ARHGAP31: variants seen among roughly 807,000 people sequenced by gnomAD.
ARHGAP31 encodes Rho GTPase activating protein 31.
Under a neutral mutation model 113.9 loss-of-function variants are expected in ARHGAP31, and 34 were observed. The ratio of observed to expected loss-of-function variants is 0.30; its 90% CI spans 0.23 to 0.40. ARHGAP31 has a LOEUF of 0.40. Among genes scored for constraint, ARHGAP31 ranks in the 10% least tolerant of loss-of-function variants. The probability of loss-of-function intolerance (pLI) is 1.00; values close to 1 mark genes in which losing one functional copy is unlikely to be tolerated. For synonymous variants in ARHGAP31, 650 were observed against 684.8 expected, an observed-to-expected ratio of 0.95 and a Z score of 0.79; for missense variants, 1,548 against 1,767.1, an observed-to-expected ratio of 0.88 and a Z score of 2.22.
chr3:119,323,154 T>C (rs2079808384), intron 1 of ARHGAP31, among the ~76,000 whole-genome samples: 1 of 152,098 alleles, frequency 6.6e-6, no homozygotes, highest in Non-Finnish European at 1.5e-5. Flanking sequence ...CGCTGGGGAC[T>C]CACACGCTGC....
intron 3 of ARHGAP31, among the ~76,000 whole-genome samples, chr3:119,373,535 C>A (rs563680648): frequency 1.4e-4 from 22 of 152,074 alleles, no homozygotes; most frequent in Non-Finnish European, 2.9e-4. Flanking sequence ...GCGATCACGG[C>A]TCACTGCAGC....
At chr3:119,410,481 C>T (rs891258591) in intron 11 of ARHGAP31, among the ~76,000 whole-genome samples, 1 of 152,142 alleles carries the variant, frequency 6.6e-6, no homozygotes, top group Non-Finnish European at 1.5e-5. Context: ...AGGACGTGCA[C>T]AAAAGAACCA....
At chr3:119,364,769 T>C (rs1242379784) in intron 1 of ARHGAP31, among the ~76,000 whole-genome samples, 2 of 152,112 alleles carry the variant, frequency 1.3e-5, no homozygotes, top group Non-Finnish European at 2.9e-5. Context: ...AAAATCTAAG[T>C]TTTTGAATAT....
intron 10 of ARHGAP31, among the ~76,000 whole-genome samples, chr3:119,402,678 G>A (rs2080623166): frequency 6.6e-6 from 1 of 152,042 alleles, no homozygotes; most frequent in East Asian, 1.9e-4. Context: ...TACATATGAA[G>A]CTCTCAGAAC....
intron 1 of ARHGAP31, among the ~76,000 whole-genome samples, chr3:119,327,140 A>G (rs1480421846): frequency 6.6e-6 from 1 of 152,054 alleles, no homozygotes; most frequent in Non-Finnish European, 1.5e-5. Flanking sequence ...ACCTTGTCTC[A>G]AAAACAGAAG....
intron 1 of ARHGAP31, among the ~76,000 whole-genome samples, chr3:119,299,658 GA>G (rs1169830752): frequency 5.3e-5 from 8 of 151,792 alleles, no homozygotes; most frequent in Non-Finnish European, 7.4e-5. Flanking sequence ...AGATACTGTG[GA>G]AAAAAAAGAT....
At chr3:119,406,864 T>C (rs186067436) in intron 10 of ARHGAP31, among the ~76,000 whole-genome samples, 1 of 152,316 alleles carries the variant, frequency 6.6e-6, no homozygotes, top group Admixed American at 6.5e-5. Context: ...TTCTTAGGGT[T>C]ACCAGGGATT....
chr3:119,400,328 C>T (rs936395581), intron 9 of ARHGAP31, among the ~76,000 whole-genome samples: 1 of 152,002 alleles, frequency 6.6e-6, no homozygotes. Context: ...TCCAGCTACT[C>T]AGGAAGCCGA....
At chr3:119,303,006 C>G (rs2079598328) in intron 1 of ARHGAP31, among the ~76,000 whole-genome samples, 1 of 152,220 alleles carries the variant, frequency 6.6e-6, no homozygotes, top group Admixed American at 6.5e-5. Flanking sequence ...CCCACTGCAG[C>G]CACATCTTCT....
intron 10 of ARHGAP31, among the ~76,000 whole-genome samples, chr3:119,406,725 G>T (rs2080666498): frequency 6.6e-6 from 1 of 152,230 alleles, no homozygotes; most frequent in Non-Finnish European, 1.5e-5. Context: ...GCCTTTGCGT[G>T]GGACAGCCCA....
At chr3:119,346,340 GAA>G (rs2080056607) in intron 1 of ARHGAP31, among the ~76,000 whole-genome samples, 1 of 152,212 alleles carries the variant, frequency 6.6e-6, no homozygotes, top group African/African-American at 2.4e-5. Context: ...CGCTATTTAA[GAA>G]GAGAAAGCAA....
At chr3:119,356,788 T>C (rs769017948) in intron 1 of ARHGAP31, among the ~76,000 whole-genome samples, 7 of 152,202 alleles carry the variant, frequency 4.6e-5, no homozygotes, top group Non-Finnish European at 1.0e-4. Context: ...GAATCTTCCA[T>C]TATTTATGTT....
chr3:119,300,254 G>A (rs1231334080), intron 1 of ARHGAP31, among the ~76,000 whole-genome samples: 1 of 152,186 alleles, frequency 6.6e-6, no homozygotes, highest in East Asian at 1.9e-4. Flanking sequence ...CAAGCACATG[G>A]TAAACCATAA....
chr3:119,367,866 A>AAAG (rs1491115219), intron 2 of ARHGAP31, among the ~76,000 whole-genome samples: 14 of 133,432 alleles, frequency 1.0e-4, no homozygotes, highest in African/African-American at 3.8e-4. Context: ...CAAAAAAAAG[A>AAAG]AAAAAAAAAA....
At chr3:119,397,462 C>T (rs948816950) in intron 8 of ARHGAP31, among the ~76,000 whole-genome samples, 2 of 152,190 alleles carry the variant, frequency 1.3e-5, no homozygotes, top group Non-Finnish European at 2.9e-5. Context: ...AATACACAAA[C>T]AAAGGGATGC....
At chr3:119,326,935 C>G (rs1017678276) in intron 1 of ARHGAP31, among the ~76,000 whole-genome samples, 1 of 152,120 alleles carries the variant, frequency 6.6e-6, no homozygotes, top group East Asian at 1.9e-4. Flanking sequence ...CTCACAAATT[C>G]AAGACCAGCC....
chr3:119,384,531 A>G (rs549547548), intron 6 of ARHGAP31, among the ~76,000 whole-genome samples: 31 of 152,334 alleles, frequency 2.0e-4, no homozygotes, highest in African/African-American at 7.0e-4. Context: ...TGAGGGCCTT[A>G]CCTTCTTTCT....
intron 9 of ARHGAP31, among the ~76,000 whole-genome samples, chr3:119,399,614 T>A (rs62266701): frequency 0.3 from 46,208 of 152,210 alleles, 8,594 homozygotes; most frequent in East Asian, 0.41. Flanking sequence ...GAGCCAAGCA[T>A]TGGTTTATGC....
chr3:119,336,626 C>T (rs1324914275), intron 1 of ARHGAP31, among the ~76,000 whole-genome samples: 1 of 152,196 alleles, frequency 6.6e-6, no homozygotes, highest in Non-Finnish European at 1.5e-5. Flanking sequence ...GCTGCATTTA[C>T]TGCTGGTTTT....
Sources: allele counts gnomAD v4.1 joint callset (sites outside exome capture counted in the v4.1 genomes callset), GRCh38; gene constraint gnomAD v4.1.1; transcripts MANE v1.5; gene names NCBI Gene and HGNC (gene_info 2026-07-23, HGNC 2026-07-21).